The following PTGER3 variants were observed in gnomAD, a reference collection of about 807,000 sequenced individuals.
PTGER3 encodes the protein prostaglandin E receptor 3, also known as prostaglandin E2 receptor EP3 subtype.
PTGER3 carries 22 observed loss-of-function variants against 34.7 expected under a neutral mutation model. The ratio of observed to expected loss-of-function variants is 0.63; its 90% CI spans 0.45 to 0.91. The LOEUF is 0.91. Ranked by LOEUF, PTGER3 falls within the 40% of genes least tolerant of loss-of-function variation. The probability of loss-of-function intolerance (pLI) is 0.00; values close to 1 mark genes in which losing one functional copy is unlikely to be tolerated. For synonymous variants in PTGER3, 241 were observed against 230.1 expected (o/e 1.05, Z -0.43); for missense variants, 468 against 519.4 (o/e 0.90, Z 0.96).
In PTGER3 at chr1:70,970,980, C is replaced by G; in HGVS notation, c.*750G>C. ...AAGGCCTACCTGGATTTTTTTATCA[C>G]TCTAACTGCGCAGCTAATCATTCAA... is the stretch of plus-strand genomic sequence containing the variant. On this transcript the variant is annotated 3_prime_UTR_variant, in exon 4 of 4. Coordinates refer to ENST00000306666, the MANE Select transcript of PTGER3 (RefSeq NM_198719.2). 1 of 985,358 alleles carries G rather than the reference C, an allele frequency of 1.0e-6. No individual in the cohort carries two copies. The highest frequency in any genetic ancestry group is 1.2e-6 in the Non-Finnish European group (1 of 829,916). The allele number at this position is 985,358 out of a possible 1,614,324, so 61.0% of individuals were successfully genotyped here.
chr1:70,989,805 G>A (rs1184406539), intron 2 of PTGER3, among the ~76,000 whole-genome samples: 1 of 151,984 alleles, frequency 6.6e-6, no homozygotes, highest in Non-Finnish European at 1.5e-5. Context: ...AGTTATCAAT[G>A]GTAGTAAAAA....
intron 3 of PTGER3, among the ~76,000 whole-genome samples, chr1:70,973,026 CA>C (rs1056379714): frequency 1.3e-4 from 14 of 111,522 alleles, no homozygotes; most frequent in African/African-American, 3.6e-4. Flanking sequence ...GTGAACCTAC[CA>C]AAAAAGAGAT....
intron 4 of PTGER3, among the ~76,000 whole-genome samples, chr1:70,947,080 C>A (rs975657180): frequency 6.6e-6 from 1 of 152,088 alleles, no homozygotes; most frequent in Non-Finnish European, 1.5e-5. Flanking sequence ...TGCTCTATGC[C>A]TTAGTTTTCC....
rs994968239 is a variant in PTGER3 at position 70,971,567 on chromosome 1, T to C, written c.*163A>G. 7.8e-7 allele frequency: 1 copy of C among 1,277,496 alleles called. No homozygotes were observed. Among genetic ancestry groups the C allele is most frequent in the African/African-American group, 1.6e-5 (1 of 64,400 alleles). 79.1% of individuals were successfully genotyped at this position (1,277,496 alleles called of 1,614,324 possible). A position where few individuals can be genotyped will look rare whatever the true frequency, so the allele number is the denominator to read the frequency against. On this transcript the variant is annotated 3_prime_UTR_variant, in exon 4 of 4. Transcript: ENST00000306666. ...AGAGGCATGGATTATAATAATAAAG[T>C]TGATCTCCATGGGTATTACTGACAA...
At chr1:70,994,864 C>T (rs1655795645) in intron 2 of PTGER3, among the ~76,000 whole-genome samples, 1 of 151,922 alleles carries the variant, frequency 6.6e-6, no homozygotes, top group African/African-American at 2.4e-5. Context: ...ATTTCTATGT[C>T]TACTGTGTAT....
chr1:71,030,199 T>C (rs1659288639), intron 1 of PTGER3, among the ~76,000 whole-genome samples: 1 of 152,120 alleles, frequency 6.6e-6, no homozygotes. Flanking sequence ...AGGATTAAAC[T>C]AAGGAATCTG....
chr1:71,003,500 G>A (rs1425746368), intron 2 of PTGER3, among the ~76,000 whole-genome samples: 2 of 152,124 alleles, frequency 1.3e-5, no homozygotes, highest in Non-Finnish European at 2.9e-5. Context: ...TTTATTGTAA[G>A]GCAAATGCAT....
chr1:70,899,960 T>C (rs955142043), intron 4 of PTGER3, among the ~76,000 whole-genome samples: 9 of 152,092 alleles, frequency 5.9e-5, no homozygotes, highest in African/African-American at 1.9e-4. Context: ...GGTAGGAATT[T>C]TGAATATGTC....
At chr1:71,015,475 T>A (rs1466916747) in intron 1 of PTGER3, among the ~76,000 whole-genome samples, 1 of 152,198 alleles carries the variant, frequency 6.6e-6, no homozygotes, top group Non-Finnish European at 1.5e-5. Context: ...TTTGAGTATT[T>A]TCTATTCTTG....
chr1:71,011,768 G>C, intron 2 of PTGER3: 30 of 987,834 alleles, frequency 3.0e-5, no homozygotes, highest in Non-Finnish European at 3.5e-5. Flanking sequence ...AATGTAAGGA[G>C]GAAAAAAGTG....
Position 70,971,189 on chromosome 1 carries a change from T to A in PTGER3, c.*541A>T, listed in dbSNP as rs1653042222. ...ACAGGGACACAACATCTCTAAAACATTAATCATAATTGGGCACAAATATTT... is the reference window on the plus strand; with the variant it reads ...ACAGGGACACAACATCTCTAAAACAATAATCATAATTGGGCACAAATATTT... On this transcript the variant is annotated 3_prime_UTR_variant, in exon 4 of 4. Transcript: ENST00000306666. 1.0e-6 allele frequency: 1 copy of A among 985,300 alleles called. No individual in the cohort carries two copies. The highest frequency in any genetic ancestry group is 1.7e-5 in the African/African-American group (1 of 57,224). The allele number at this position is 985,300 out of a possible 1,614,324, so 61.0% of individuals were successfully genotyped here.
At chr1:70,932,337 C>A (rs1341950656) in intron 4 of PTGER3, among the ~76,000 whole-genome samples, 1 of 152,164 alleles carries the variant, frequency 6.6e-6, no homozygotes, top group Non-Finnish European at 1.5e-5. Flanking sequence ...CTGTTCCAAC[C>A]TTTGCCTGTT....
intron 4 of PTGER3, among the ~76,000 whole-genome samples, chr1:70,874,536 T>C (rs949294694): frequency 1.1e-4 from 17 of 152,354 alleles, no homozygotes; most frequent in African/African-American, 3.6e-4. Flanking sequence ...GTGTTCTAAA[T>C]ATTACTTCTT....
At chr1:70,901,745 A>C (rs1018986147) in intron 4 of PTGER3, among the ~76,000 whole-genome samples, 3 of 152,232 alleles carry the variant, frequency 2.0e-5, no homozygotes, top group Non-Finnish European at 1.5e-5. Context: ...TACCTACCAC[A>C]TACAGCATTG....
At chr1:70,922,530 G>T (rs1055027179) in intron 4 of PTGER3, among the ~76,000 whole-genome samples, 1 of 152,040 alleles carries the variant, frequency 6.6e-6, no homozygotes, top group African/African-American at 2.4e-5. Flanking sequence ...CCCACTAGCT[G>T]TGCTGGAAAA....
intron 4 of PTGER3, among the ~76,000 whole-genome samples, chr1:70,935,014 A>G (rs114501088): frequency 0.019 from 2,866 of 152,266 alleles, 90 homozygotes; most frequent in African/African-American, 0.064. Context: ...TGTACAAAGC[A>G]TTGTTGAAGT....
intron 4 of PTGER3, among the ~76,000 whole-genome samples, chr1:70,867,756 A>G (rs1238312141): frequency 2.0e-5 from 3 of 152,132 alleles, no homozygotes; most frequent in Non-Finnish European, 4.4e-5. Context: ...AAAGATAAAA[A>G]TCCTGACATG....
intron 2 of PTGER3, among the ~76,000 whole-genome samples, chr1:70,960,933 A>G (rs1651867257): frequency 6.6e-6 from 1 of 152,058 alleles, no homozygotes; most frequent in South Asian, 2.1e-4. Context: ...TTTAATATGG[A>G]TGAGAATCAC....
intron 2 of PTGER3, among the ~76,000 whole-genome samples, chr1:70,976,247 A>G (rs375141417): frequency 2.6e-5 from 4 of 152,268 alleles, no homozygotes; most frequent in African/African-American, 7.2e-5. Flanking sequence ...AAACTAATCT[A>G]TGATTCCATA....
Sources: gnomAD v4.1 joint callset for allele counts (sites outside exome capture counted in the v4.1 genomes callset) on GRCh38, gnomAD v4.1.1 for gene constraint, MANE v1.5 for transcripts, NCBI Gene and HGNC (gene_info 2026-07-23, HGNC 2026-07-21) for gene names.